KIAA0825: variants seen among roughly 807,000 people sequenced by gnomAD.
KIAA0825 encodes the protein uncharacterized protein KIAA0825.
In KIAA0825, 119 loss-of-function variants were observed where a neutral mutation model predicts 147.6. That is an observed-to-expected ratio of 0.81 (90% CI 0.69 to 0.94). The LOEUF is 0.94. KIAA0825 is among the 40% of genes least tolerant of loss of function. The pLI is 0.00. For synonymous variants in KIAA0825, 470 were observed against 518.1 expected, an observed-to-expected ratio of 0.91 and a Z score of 1.26; for missense variants, 1,381 against 1,472.7, an observed-to-expected ratio of 0.94 and a Z score of 1.02.
rs577229510 is a variant in KIAA0825 at position 94,503,654 on chromosome 5, T to A, written c.970+16594A>T. Among the ~76,000 whole-genome samples, 5 of 128,288 alleles carry A rather than the reference T, an allele frequency of 3.9e-5. No individual in the cohort carries two copies. The South Asian group carries it at 1.1e-3, about 29-fold the overall frequency. 84.2% of individuals were successfully genotyped at this position (128,288 alleles called of 152,430 possible). ...TAGCACTAACACTACTTCTCCATCATCTGACAATATCTCTTGCTTCCATAC... is the reference window on the plus strand; with the variant it reads ...TAGCACTAACACTACTTCTCCATCAACTGACAATATCTCTTGCTTCCATAC... On this transcript the variant is annotated intron_variant, in intron 5 of 20. Coordinates refer to ENST00000682413, the MANE Select transcript of KIAA0825 (RefSeq NM_001145678.3).
At chr5:94,367,380 C>CA (rs1746016360) in intron 20 of KIAA0825, among the ~76,000 whole-genome samples, 1 of 152,086 alleles carries the variant, frequency 6.6e-6, no homozygotes, top group Non-Finnish European at 1.5e-5. Context: ...CGCCTGTAAT[C>CA]CCAGCTACTT....
intron 14 of KIAA0825, among the ~76,000 whole-genome samples, chr5:94,420,763 T>C (rs1754082063): frequency 6.6e-6 from 1 of 151,810 alleles, no homozygotes; most frequent in African/African-American, 2.4e-5. Context: ...GCAGAAAAAA[T>C]AGATTGTTTT....
chr5:94,154,124 C>T lies in KIAA0825; in HGVS notation c.3711G>A (p.Arg1237=), dbSNP rs1367125784. The T allele has an allele frequency of 6.5e-7, 1 of 1,540,126 alleles. No homozygotes were observed. The highest frequency in any genetic ancestry group is 1.4e-5 in the African/African-American group (1 of 72,758). ...GTGTTTCATCCTTCTTCATTTCCCA[C>T]CTAAAAGAAAAATCACATCTTAGCA... ...KMTFSVLLKN[R]WEMKKDETLE... Residue 1237 remains arginine (R), a splice_region_variant and synonymous_variant, in exon 21 of 21, where the codon AGG becomes AGA. Transcript: ENST00000682413.
chr5:94,205,268 C>CATATGTATAT (rs775988902), intron 20 of KIAA0825, among the ~76,000 whole-genome samples: 24 of 90,294 alleles, frequency 2.7e-4, no homozygotes, highest in African/African-American at 1.0e-3. Flanking sequence ...ACTATTTAAT[C>CATATGTATAT]ATATATATAT....
At chr5:94,476,128 T>A (rs1374017016) in intron 7 of KIAA0825, among the ~76,000 whole-genome samples, 1 of 152,208 alleles carries the variant, frequency 6.6e-6, no homozygotes, top group Admixed American at 6.5e-5. Flanking sequence ...TTCCCGATTA[T>A]TAAAGGCGAA....
chr5:94,395,538 T>C (rs896987406), intron 17 of KIAA0825, among the ~76,000 whole-genome samples: 1 of 152,166 alleles, frequency 6.6e-6, no homozygotes, highest in African/African-American at 2.4e-5. Context: ...CACTTAGCTC[T>C]TAGTGACAAA....
intron 20 of KIAA0825, among the ~76,000 whole-genome samples, chr5:94,267,232 A>G (rs541939584): frequency 3.0e-4 from 45 of 152,342 alleles, no homozygotes; most frequent in African/African-American, 1.1e-3. Flanking sequence ...TGAAAATATC[A>G]TTGCAGATGT....
chr5:94,409,953 T>C (rs1050647263), intron 15 of KIAA0825, among the ~76,000 whole-genome samples: 2 of 151,634 alleles, frequency 1.3e-5, no homozygotes, highest in South Asian at 2.1e-4. Flanking sequence ...CACTAAAAAA[T>C]TACCAGACAG....
Position 94,152,848 on chromosome 5 carries a change from AAAAAAAATTATAT to A in KIAA0825, c.*1146_*1158del, listed in dbSNP as rs1766631923. 1 of 26,178 alleles carries A rather than the reference AAAAAAAATTATAT, an allele frequency of 3.8e-5. No homozygotes were observed. Among genetic ancestry groups the A allele is most frequent in the Non-Finnish European group, 7.8e-5 (1 of 12,868 alleles). 1.6% of individuals were successfully genotyped at this position (26,178 alleles called of 1,614,324 possible). On this transcript the variant is annotated 3_prime_UTR_variant, in exon 21 of 21. Coordinates refer to ENST00000682413, the MANE Select transcript of KIAA0825 (RefSeq NM_001145678.3). ...AAAAAAAAAAAAAAAAAAAAAAAAA[AAAAAAAATTATAT>A]ATATATATATATATATATATATATA...
chr5:94,466,736 C>CACA (rs1321855193), intron 10 of KIAA0825, among the ~76,000 whole-genome samples: 4 of 61,392 alleles, frequency 6.5e-5, no homozygotes, highest in African/African-American at 3.0e-4. Context: ...GACTGTGTCT[C>CACA]AAAAAAAAAA....
chr5:94,468,067 C>T (rs115736717), intron 10 of KIAA0825, among the ~76,000 whole-genome samples: 1,899 of 152,332 alleles, frequency 0.012, 44 homozygotes, highest in African/African-American at 0.043. Flanking sequence ...ATGGAAGCTA[C>T]AGTACCATGT....
intron 2 of KIAA0825, among the ~76,000 whole-genome samples, chr5:94,573,576 T>C (rs1043702752): frequency 7.9e-5 from 12 of 152,296 alleles, no homozygotes; most frequent in East Asian, 5.8e-4. Context: ...CCAGCCTCTT[T>C]TGGAAATTTT....
intron 20 of KIAA0825, among the ~76,000 whole-genome samples, chr5:94,234,205 A>G (rs919194514): frequency 1.3e-5 from 2 of 151,668 alleles, no homozygotes; most frequent in Non-Finnish European, 2.9e-5. Flanking sequence ...TCTCTACTAA[A>G]AAAAAAATAC....
chr5:94,340,500 A>T (rs1562393855), intron 20 of KIAA0825, among the ~76,000 whole-genome samples: 1 of 152,172 alleles, frequency 6.6e-6, no homozygotes, highest in Non-Finnish European at 1.5e-5. Context: ...TAAAATGTTC[A>T]TATTCATACG....
chr5:94,382,181 T>A (rs1748504530), intron 20 of KIAA0825, among the ~76,000 whole-genome samples: 1 of 152,196 alleles, frequency 6.6e-6, no homozygotes, highest in Non-Finnish European at 1.5e-5. Flanking sequence ...ATTCTTTCCT[T>A]TGGCTACACC....
intron 8 of KIAA0825, among the ~76,000 whole-genome samples, chr5:94,472,213 A>T (rs1003856706): frequency 5.9e-5 from 9 of 152,216 alleles, no homozygotes; most frequent in African/African-American, 1.9e-4. Flanking sequence ...AATCAGAAAC[A>T]GTCTCATGTA....
chr5:94,618,002 G>A (rs370033575), intron 1 of KIAA0825: 1 of 152,174 alleles, frequency 6.6e-6, no homozygotes, highest in East Asian at 1.9e-4. Flanking sequence ...CAATTCAAAT[G>A]GCGGGAGGAA....
chr5:94,404,911 G>A (rs1025283460), intron 15 of KIAA0825, among the ~76,000 whole-genome samples: 1 of 152,106 alleles, frequency 6.6e-6, no homozygotes, highest in Admixed American at 6.5e-5. Context: ...GGTGACAAGG[G>A]CTGGACAAGA....
intron 3 of KIAA0825, among the ~76,000 whole-genome samples, chr5:94,525,279 A>G (rs1165292176): frequency 6.6e-6 from 1 of 151,904 alleles, no homozygotes; most frequent in Non-Finnish European, 1.5e-5. Flanking sequence ...ATTAAAATAG[A>G]TGTCATACGA....
Sources: gnomAD v4.1 joint callset for allele counts (sites outside exome capture counted in the v4.1 genomes callset) on GRCh38, gnomAD v4.1.1 for gene constraint, MANE v1.5 for transcripts, NCBI Gene and HGNC (gene_info 2026-07-23, HGNC 2026-07-21) for gene names.